SAMTOR: variants seen among roughly 807,000 people sequenced by gnomAD.
SAMTOR encodes the protein S-adenosylmethionine sensor upstream of mTORC1, also known as UPF0532 protein C7orf60.
chr7:112,849,061 A>AC, the SAMTOR span, among the ~76,000 whole-genome samples: 57 of 151,748 alleles, frequency 3.8e-4, no homozygotes, highest in Middle Eastern at 3.4e-3. Context: ...AAAAAAAAAA[A>AC]ACAAAGAAAA....
chr7:112,917,331 C>A, the SAMTOR span, among the ~76,000 whole-genome samples: 1 of 152,238 alleles, frequency 6.6e-6, no homozygotes, highest in Admixed American at 6.5e-5. Context: ...CTGCTCCAGG[C>A]AAACAGGGTC....
chr7:112,830,659 G>C, the SAMTOR span, among the ~76,000 whole-genome samples: 1 of 152,142 alleles, frequency 6.6e-6, no homozygotes, highest in Non-Finnish European at 1.5e-5. Flanking sequence ...GCTAAGAACA[G>C]TGATTTTATA....
the SAMTOR span, among the ~76,000 whole-genome samples, chr7:112,831,563 G>A: frequency 6.6e-6 from 1 of 152,232 alleles, no homozygotes; most frequent in South Asian, 2.1e-4. Context: ...GCTGAGGCCG[G>A]AGAATCACTG....
At chr7:112,883,862 T>G in the SAMTOR span, among the ~76,000 whole-genome samples, 2 of 152,236 alleles carry the variant, frequency 1.3e-5, no homozygotes, top group Non-Finnish European at 2.9e-5. Flanking sequence ...CCATTAGAAA[T>G]GCACACTAAT....
the SAMTOR span, among the ~76,000 whole-genome samples, chr7:112,902,436 AAAC>A: frequency 1.9e-4 from 21 of 109,886 alleles, 3 homozygotes; most frequent in African/African-American, 2.9e-4. Flanking sequence ...AAACAAAAAA[AAAC>A]AAAAAAAAAC....
chr7:112,885,234 G>A, the SAMTOR span, among the ~76,000 whole-genome samples: 2 of 152,208 alleles, frequency 1.3e-5, no homozygotes, highest in East Asian at 3.9e-4. Flanking sequence ...TGTGATGAGA[G>A]GGGCTGCTGT....
At chr7:112,932,177 G>A in the SAMTOR span, among the ~76,000 whole-genome samples, 5 of 151,804 alleles carry the variant, frequency 3.3e-5, no homozygotes, top group South Asian at 2.1e-4. Flanking sequence ...CACCCGCCTC[G>A]GCCTCCCAAA....
At chr7:112,872,805 T>TA in the SAMTOR span, among the ~76,000 whole-genome samples, 2,195 of 135,286 alleles carry the variant, frequency 0.016, 44 homozygotes, top group Admixed American at 0.041. Context: ...AAATCAGTAG[T>TA]AAAAAAAAAA....
the SAMTOR span, among the ~76,000 whole-genome samples, chr7:112,846,933 T>C: frequency 6.6e-6 from 1 of 152,220 alleles, no homozygotes; most frequent in Non-Finnish European, 1.5e-5. Context: ...CTGCTTATAA[T>C]TGTTTCTCAA....
chr7:112,838,164 T>C, the SAMTOR span, among the ~76,000 whole-genome samples: 1 of 151,970 alleles, frequency 6.6e-6, no homozygotes, highest in South Asian at 2.1e-4. Context: ...GGGAGGTTTA[T>C]GTGTAGAATG....
chr7:112,924,550 T>C, the SAMTOR span, among the ~76,000 whole-genome samples: 12 of 152,284 alleles, frequency 7.9e-5, no homozygotes, highest in African/African-American at 2.6e-4. Flanking sequence ...TTGGCCTGAA[T>C]ACTGATTTTA....
the SAMTOR span, among the ~76,000 whole-genome samples, chr7:112,919,687 T>C: frequency 2.6e-5 from 4 of 151,514 alleles, no homozygotes; most frequent in Non-Finnish European, 5.9e-5. Flanking sequence ...ATCAACAAAA[T>C]TGATAGACCG....
chr7:112,915,513 T>G, the SAMTOR span: 4 of 1,275,830 alleles, frequency 3.1e-6, no homozygotes, highest in Admixed American at 2.9e-5. Flanking sequence ...AAATAAGTTT[T>G]AGCACAATCT....
the SAMTOR span, among the ~76,000 whole-genome samples, chr7:112,910,153 C>T: frequency 6.6e-6 from 1 of 151,510 alleles, no homozygotes; most frequent in African/African-American, 2.4e-5. Context: ...TTTGAACACC[C>T]CACCCCCCAA....
the SAMTOR span, among the ~76,000 whole-genome samples, chr7:112,827,453 C>T: frequency 2.8e-4 from 43 of 152,130 alleles, no homozygotes; most frequent in African/African-American, 8.9e-4. Context: ...TCAGCAGTTG[C>T]TTTAACTTAT....
the SAMTOR span, chr7:112,819,580 G>A: frequency 0.042 from 6,383 of 152,500 alleles, 231 homozygotes; most frequent in African/African-American, 0.099. Context: ...GGAATAAGCT[G>A]AATTTACAGT....
the SAMTOR span, among the ~76,000 whole-genome samples, chr7:112,921,755 A>G: frequency 3.5e-5 from 1 of 28,338 alleles, no homozygotes; most frequent in African/African-American, 1.5e-4. Flanking sequence ...TTACAAGAAA[A>G]AAACAAACAA....
At chr7:112,927,924 C>G in the SAMTOR span, among the ~76,000 whole-genome samples, 1 of 151,838 alleles carries the variant, frequency 6.6e-6, no homozygotes, top group African/African-American at 2.4e-5. Flanking sequence ...ATCAATGAAC[C>G]AAATTATTTT....
the SAMTOR span, among the ~76,000 whole-genome samples, chr7:112,935,964 A>G: frequency 6.6e-6 from 1 of 152,318 alleles, no homozygotes; most frequent in South Asian, 2.1e-4. Context: ...CATATTTGTC[A>G]GGCTCATCTA....
Sources: gnomAD v4.1 joint callset for allele counts (sites outside exome capture counted in the v4.1 genomes callset) on GRCh38, gnomAD v4.1.1 for gene constraint, MANE v1.5 for transcripts, NCBI Gene and HGNC (gene_info 2026-07-23, HGNC 2026-07-21) for gene names.